The following GRIP1 variants were observed in gnomAD, a reference collection of about 807,000 sequenced individuals.
GRIP1 encodes the protein glutamate receptor interacting protein 1, also known as glutamate receptor-interacting protein 1.
In GRIP1, 45 loss-of-function variants were observed where a neutral mutation model predicts 129.9. That is an observed-to-expected ratio of 0.35 (90% CI 0.27 to 0.44). GRIP1 has a LOEUF of 0.44. Ranked by LOEUF, GRIP1 falls within the 20% of genes least tolerant of loss-of-function variation. GRIP1 has a pLI of 1.00. For synonymous variants in GRIP1, 530 were observed against 520.8 expected, an observed-to-expected ratio of 1.02 and a Z score of -0.24; for missense variants, 1,196 against 1,396.8, an observed-to-expected ratio of 0.86 and a Z score of 2.29.
intron 1 of GRIP1, among the ~76,000 whole-genome samples, chr12:66,884,645 G>A (rs2137205614): frequency 6.6e-6 from 1 of 152,238 alleles, no homozygotes; most frequent in Non-Finnish European, 1.5e-5. Flanking sequence ...AAAAAGAGAA[G>A]TTGCAAGTTT....
chr12:66,822,890 T>C (rs539451169), intron 1 of GRIP1, among the ~76,000 whole-genome samples: 1 of 152,304 alleles, frequency 6.6e-6, no homozygotes, highest in South Asian at 2.1e-4. Context: ...TCCTCATACC[T>C]GGCTGATGAG....
intron 1 of GRIP1, among the ~76,000 whole-genome samples, chr12:66,799,386 T>A (rs1362240025): frequency 6.6e-6 from 1 of 152,182 alleles, no homozygotes; most frequent in Non-Finnish European, 1.5e-5. Context: ...TCATTCGGGA[T>A]TTTTTGAGTT....
intron 1 of GRIP1, among the ~76,000 whole-genome samples, chr12:67,043,415 A>G (rs1364361110): frequency 6.6e-6 from 1 of 152,188 alleles, no homozygotes; most frequent in Non-Finnish European, 1.5e-5. Flanking sequence ...TGAGACCGCA[A>G]AAGTGATCTA....
chr12:66,998,238 T>C (rs1379224576), intron 1 of GRIP1, among the ~76,000 whole-genome samples: 1 of 152,172 alleles, frequency 6.6e-6, no homozygotes, highest in African/African-American at 2.4e-5. Context: ...GACACAGAGA[T>C]AACAAGATAT....
intron 19 of GRIP1, among the ~76,000 whole-genome samples, chr12:66,383,840 A>C (rs772212392): frequency 3.3e-5 from 5 of 152,194 alleles, no homozygotes; most frequent in Non-Finnish European, 7.3e-5. Flanking sequence ...AGTGCAACTT[A>C]GTGAAATGTT....
At chr12:66,831,878 T>C (rs1372792065) in intron 1 of GRIP1, among the ~76,000 whole-genome samples, 2 of 152,166 alleles carry the variant, frequency 1.3e-5, no homozygotes, top group Non-Finnish European at 2.9e-5. Flanking sequence ...GAGTTACACA[T>C]GTAAAGTGCT....
chr12:66,669,535 C>T (rs1240989921), intron 1 of GRIP1, among the ~76,000 whole-genome samples: 1 of 152,172 alleles, frequency 6.6e-6, no homozygotes, highest in Non-Finnish European at 1.5e-5. Context: ...AATTCATAGT[C>T]TGATGGTTGT....
chr12:66,374,495 A>G (rs1205279045), intron 22 of GRIP1, among the ~76,000 whole-genome samples: 1 of 152,058 alleles, frequency 6.6e-6, no homozygotes, highest in Non-Finnish European at 1.5e-5. Flanking sequence ...CCCCATTTCT[A>G]TGTTTAATCT....
intron 1 of GRIP1, among the ~76,000 whole-genome samples, chr12:66,881,006 TC>T (rs1051053230): frequency 2.6e-5 from 4 of 151,810 alleles, no homozygotes; most frequent in African/African-American, 7.3e-5. Flanking sequence ...TTTTTTTTTT[TC>T]CTCTCTTTCA....
chr12:66,710,182 C>T (rs1565980850), intron 1 of GRIP1, among the ~76,000 whole-genome samples: 1 of 151,902 alleles, frequency 6.6e-6, no homozygotes, highest in Non-Finnish European at 1.5e-5. Context: ...GATTTATGTT[C>T]TACCTCTCCA....
chr12:66,805,592 T>A (rs2136933314), upstream of GRIP1, among the ~76,000 whole-genome samples: 1 of 152,338 alleles, frequency 6.6e-6, no homozygotes, highest in African/African-American at 2.4e-5. Context: ...TCAATATCTG[T>A]GTAATGTCAA....
intron 22 of GRIP1, among the ~76,000 whole-genome samples, chr12:66,373,236 T>C (rs1004469422): frequency 6.6e-6 from 1 of 152,122 alleles, no homozygotes; most frequent in African/African-American, 2.4e-5. Flanking sequence ...ACTACAGGCA[T>C]GCGCCACCAT....
At chr12:66,439,327 C>T (rs2058405264) in intron 13 of GRIP1, among the ~76,000 whole-genome samples, 2 of 152,202 alleles carry the variant, frequency 1.3e-5, no homozygotes, top group Non-Finnish European at 2.9e-5. Flanking sequence ...TGGACCTTCT[C>T]TGAAATCCTA....
intron 7 of GRIP1, among the ~76,000 whole-genome samples, chr12:66,466,124 A>G (rs1157725417): frequency 6.6e-6 from 1 of 152,220 alleles, no homozygotes; most frequent in African/African-American, 2.4e-5. Context: ...AACTCCTTCT[A>G]ACATTTGCAT....
chr12:66,921,898 T>C (rs941071996), intron 1 of GRIP1, among the ~76,000 whole-genome samples: 1 of 152,206 alleles, frequency 6.6e-6, no homozygotes, highest in Non-Finnish European at 1.5e-5. Context: ...CTCCTAATTG[T>C]CACTAAAAAG....
chr12:66,886,984 CT>C (rs1223425639), intron 1 of GRIP1, among the ~76,000 whole-genome samples: 1 of 152,166 alleles, frequency 6.6e-6, no homozygotes, highest in African/African-American at 2.4e-5. Flanking sequence ...TCCATGTGCC[CT>C]TTTCACTCTA....
At position 66,590,144 on chromosome 12, in the gene GRIP1, T is replaced by C. The variant is rs190601705; in HGVS notation, c.136+6703A>G. On this transcript the variant is annotated intron_variant, in intron 2 of 24. Coordinates refer to ENST00000359742, the MANE Select transcript of GRIP1 (RefSeq NM_001366722.1). ...GAGTCACTCCGATACCACATGTACC[T>C]GGAGCACAACATTGACCAAGTGCCA... is the stretch of plus-strand genomic sequence containing the variant. 2.4e-3 allele frequency among the ~76,000 whole-genome samples: 366 copies of C among 152,298 alleles called. 2 individuals carry two copies. The highest frequency in any genetic ancestry group is 5.8e-3 in the South Asian group (28 of 4,826).
chr12:66,400,768 C>A (rs1035536600), intron 16 of GRIP1, among the ~76,000 whole-genome samples: 4 of 152,048 alleles, frequency 2.6e-5, no homozygotes, highest in Non-Finnish European at 5.9e-5. Context: ...AATACAAAGC[C>A]GACTTTTGAA....
chr12:66,421,374 C>A (rs534015793), intron 14 of GRIP1, among the ~76,000 whole-genome samples: 6 of 152,062 alleles, frequency 3.9e-5, no homozygotes, highest in Non-Finnish European at 8.8e-5. Flanking sequence ...TGAAACCCCA[C>A]CTCTACGAAA....
Sources: gnomAD v4.1 joint callset for allele counts (sites outside exome capture counted in the v4.1 genomes callset) on GRCh38, gnomAD v4.1.1 for gene constraint, MANE v1.5 for transcripts, NCBI Gene and HGNC (gene_info 2026-07-23, HGNC 2026-07-21) for gene names.